GMDS: variants seen among roughly 807,000 people sequenced by gnomAD.
GMDS encodes the protein GDP-mannose 4,6 dehydratase.
Under a neutral mutation model 49.9 loss-of-function variants are expected in GMDS, and 20 were observed. That is an observed-to-expected ratio of 0.40 (90% CI 0.28 to 0.58). The LOEUF (loss-of-function observed/expected upper bound fraction) is 0.58. GMDS is among the 20% of genes least tolerant of loss of function. GMDS has a pLI of 0.42. For synonymous variants in GMDS, 177 were observed against 178.6 expected (o/e 0.99, Z 0.07); for missense variants, 362 against 481.4 (o/e 0.75, Z 2.32).
chr6:1,763,247 G>A (rs1431831627), intron 7 of GMDS, among the ~76,000 whole-genome samples: 1 of 152,172 alleles, frequency 6.6e-6, no homozygotes, highest in African/African-American at 2.4e-5. Context: ...CAGCCCCATT[G>A]CTCTGAGCTG....
intron 4 of GMDS, among the ~76,000 whole-genome samples, chr6:2,081,520 T>C (rs1288652817): frequency 6.6e-6 from 1 of 152,060 alleles, no homozygotes; most frequent in African/African-American, 2.4e-5. Flanking sequence ...CATCACCTCA[T>C]CATTTGAACT....
At chr6:1,713,822 T>G (rs547771670) in intron 9 of GMDS, among the ~76,000 whole-genome samples, 1 of 152,318 alleles carries the variant, frequency 6.6e-6, no homozygotes, top group South Asian at 2.1e-4. Flanking sequence ...TTTCACATCC[T>G]CACTGTAAGT....
chr6:1,630,795 C>T (rs527428439), intron 9 of GMDS, among the ~76,000 whole-genome samples: 5 of 152,224 alleles, frequency 3.3e-5, no homozygotes, highest in Non-Finnish European at 7.4e-5. Context: ...GTAGCATCAG[C>T]CTGGGGAAAG....
At chr6:1,644,794 T>A (rs1763437141) in intron 9 of GMDS, among the ~76,000 whole-genome samples, 1 of 152,172 alleles carries the variant, frequency 6.6e-6, no homozygotes, top group African/African-American at 2.4e-5. Flanking sequence ...CACTGCAAGC[T>A]CTGACAGCTT....
intron 6 of GMDS, among the ~76,000 whole-genome samples, chr6:1,932,448 T>G (rs1762330477): frequency 1.3e-5 from 2 of 152,254 alleles, no homozygotes; most frequent in Admixed American, 1.3e-4. Flanking sequence ...ACCAGAACTT[T>G]CATGTCGTGC....
intron 7 of GMDS, among the ~76,000 whole-genome samples, chr6:1,919,088 G>A (rs988449193): frequency 6.6e-5 from 10 of 152,180 alleles, no homozygotes; most frequent in African/African-American, 2.4e-4. Flanking sequence ...GATGGGCAGG[G>A]AGATCCAATT....
At chr6:2,059,687 G>A (rs1180805698) in intron 4 of GMDS, among the ~76,000 whole-genome samples, 1 of 51,668 alleles carries the variant, frequency 1.9e-5, no homozygotes, top group Non-Finnish European at 3.5e-5. Context: ...CAGCCTGGGC[G>A]ACAGAGCGAG....
At chr6:2,029,035 A>G (rs1412505583) in intron 4 of GMDS, among the ~76,000 whole-genome samples, 1 of 151,490 alleles carries the variant, frequency 6.6e-6, no homozygotes, top group Non-Finnish European at 1.5e-5. Context: ...GATGGCAGAA[A>G]TTAAGACCTT....
At chr6:2,231,499 G>A (rs1030009676) in intron 1 of GMDS, among the ~76,000 whole-genome samples, 5 of 152,200 alleles carry the variant, frequency 3.3e-5, no homozygotes, top group Non-Finnish European at 7.3e-5. Context: ...AGGAGGCGGA[G>A]GTTGCAGTGA....
rs147453077 is a variant in GMDS at position 2,057,894 on chromosome 6, T to C, written c.345+57877A>G. On this transcript the variant is annotated intron_variant, in intron 4 of 10. Coordinates refer to ENST00000380815, the MANE Select transcript of GMDS (RefSeq NM_001500.4). ...TTTAAGGGCTAAATTTTTCATTTCA[T>C]TTGGCTTTAATTAATTAAAATATAA... Among the ~76,000 whole-genome samples, 731 of 152,320 alleles carry C rather than the reference T, an allele frequency of 4.8e-3. 1 individual carries two copies. Among genetic ancestry groups the C allele is most frequent in the Middle Eastern group, 0.01 (3 of 294 alleles).
chr6:1,655,968 A>T (rs1203586365), intron 9 of GMDS, among the ~76,000 whole-genome samples: 1 of 152,160 alleles, frequency 6.6e-6, no homozygotes, highest in Non-Finnish European at 1.5e-5. Flanking sequence ...CGCACACCCC[A>T]CAGCCAGGTC....
chr6:1,626,006 C>A (rs1156790129), intron 9 of GMDS: 1 of 152,246 alleles, frequency 6.6e-6, no homozygotes, highest in East Asian at 1.9e-4. Flanking sequence ...GCCTTTCCTG[C>A]TTATTTTCTT....
intron 4 of GMDS, among the ~76,000 whole-genome samples, chr6:2,042,398 T>A (rs1415866815): frequency 1.3e-5 from 2 of 152,068 alleles, no homozygotes; most frequent in Non-Finnish European, 1.5e-5. Flanking sequence ...TCAAATTCAC[T>A]TCCTCCCAAC....
At chr6:1,889,799 A>G (rs1396638781) in intron 7 of GMDS, among the ~76,000 whole-genome samples, 2 of 152,138 alleles carry the variant, frequency 1.3e-5, no homozygotes, top group Non-Finnish European at 2.9e-5. Context: ...CACGGCAACT[A>G]CAGTGTACTT....
At chr6:1,913,564 T>C (rs1761193256) in intron 7 of GMDS, among the ~76,000 whole-genome samples, 1 of 152,144 alleles carries the variant, frequency 6.6e-6, no homozygotes, top group Non-Finnish European at 1.5e-5. Context: ...TAAAAGACCA[T>C]ATTCCAGTCA....
chr6:2,083,892 CA>C (rs1204176933), intron 4 of GMDS, among the ~76,000 whole-genome samples: 2 of 152,064 alleles, frequency 1.3e-5, no homozygotes, highest in African/African-American at 4.8e-5. Context: ...CAATGGCCCA[CA>C]TTAACAGAAA....
chr6:2,190,645 CAT>C (rs1002435624), intron 1 of GMDS, among the ~76,000 whole-genome samples: 8 of 152,192 alleles, frequency 5.3e-5, no homozygotes, highest in African/African-American at 1.9e-4. Flanking sequence ...TGACACAGCA[CAT>C]GTTTTTTTGC....
At chr6:2,144,159 TAA>T (rs1340315535) in intron 1 of GMDS, among the ~76,000 whole-genome samples, 1 of 152,100 alleles carries the variant, frequency 6.6e-6, no homozygotes, top group Non-Finnish European at 1.5e-5. Flanking sequence ...GATGAGGAAA[TAA>T]AGAGTCTTGA....
intron 7 of GMDS, among the ~76,000 whole-genome samples, chr6:1,747,807 T>C (rs190585381): frequency 6.6e-6 from 1 of 152,314 alleles, no homozygotes; most frequent in African/African-American, 2.4e-5. Context: ...ACTATACTAA[T>C]AAAAACAAAC....
Sources: allele counts gnomAD v4.1 joint callset (sites outside exome capture counted in the v4.1 genomes callset), GRCh38; gene constraint gnomAD v4.1.1; transcripts MANE v1.5; gene names NCBI Gene and HGNC (gene_info 2026-07-23, HGNC 2026-07-21).